Variants in BRD9 observed in about 807,000 individuals in gnomAD.
The protein encoded by BRD9 is bromodomain-containing protein 9.
A neutral mutation model predicts 68.7 loss-of-function variants in BRD9; 47 were observed. That is an observed-to-expected ratio of 0.68 (90% CI 0.54 to 0.87). The LOEUF (loss-of-function observed/expected upper bound fraction) is 0.87. Among genes scored for constraint, BRD9 ranks in the 40% least tolerant of loss-of-function variants. The pLI is 0.00. For missense variants in BRD9, 670 were observed against 748.4 expected (o/e 0.90, Z 1.22); for synonymous variants, 313 against 293.9 (o/e 1.06, Z -0.67).
chr5:881,018 C>G (rs1751662299), intron 9 of BRD9, 89 bp downstream of exon 9: 1 of 1,382,952 alleles, frequency 7.2e-7, no homozygotes, highest in South Asian at 1.2e-5. Context: ...GCCCCATGGC[C>G]ATGGCTCAGC....
intron 12 of BRD9, among the ~76,000 whole-genome samples, chr5:874,743 C>T (rs1030550731): frequency 4.6e-5 from 7 of 152,332 alleles, no homozygotes; most frequent in East Asian, 1.9e-4. Context: ...TGATGAGCAG[C>T]GCGGGACGAC....
At chr5:892,505 G>C in intron 1 of BRD9, 101 bp downstream of exon 1, 1 of 1,482,850 alleles carries the variant, frequency 6.7e-7, no homozygotes, top group Non-Finnish European at 8.9e-7. Flanking sequence ...CTCGTGGCCA[G>C]GACCTCGCCC....
At chr5:869,626 C>A (rs1400011426) in intron 14 of BRD9, among the ~76,000 whole-genome samples, 1 of 152,202 alleles carries the variant, frequency 6.6e-6, no homozygotes, top group African/African-American at 2.4e-5. Context: ...TACCTGAAGG[C>A]TGAATTCATC....
chr5:870,596 C>A (rs1208310875), intron 13 of BRD9, 21 bp from the exon 14 acceptor site: 1 of 1,552,686 alleles, frequency 6.4e-7, no homozygotes, highest in Admixed American at 1.7e-5. Context: ...AGACACACAT[C>A]AAGAGCAATT....
Position 889,066 on chromosome 5 carries a change from T to A in BRD9, c.561A>T (p.Lys187Asn). ...IKHPMDFGTM[K>N]DKIVANEYKS... ...TGTATTCATTAGCTACAATTTTGTCTTTCATGGTGCCAAAATCCATGGGAT... is the reference window on the plus strand; with the variant it reads ...TGTATTCATTAGCTACAATTTTGTCATTCATGGTGCCAAAATCCATGGGAT... The change falls in exon 5 of 16, where the codon AAA becomes AAT. Residue 187 changes from lysine (K) to asparagine (N), a missense_variant. Transcript: ENST00000467963. 2 of 1,610,686 alleles carry A rather than the reference T, an allele frequency of 1.2e-6. No individual in the cohort carries two copies. Among genetic ancestry groups the A allele is most frequent in the Non-Finnish European group, 1.7e-6 (2 of 1,179,246 alleles).
At chr5:875,473 G>A (rs767596075) in intron 12 of BRD9, among the ~76,000 whole-genome samples, 2 of 151,458 alleles carry the variant, frequency 1.3e-5, no homozygotes, top group African/African-American at 2.4e-5. Context: ...TCAGCCTCCC[G>A]AGTAGCTGGG....
At position 889,574 on chromosome 5, in the gene BRD9, C is replaced by T. The variant is rs548763851; in HGVS notation, c.461+13G>A. On this transcript the variant is annotated intron_variant, in intron 4 of 15. Transcript: ENST00000467963. The stretch of plus-strand genomic sequence containing the variant: ...CCCCCAGACACTAGCTCTTCAGAAA[C>T]GCCCCGGTTTACCTCTGAAGCTGGC... 20 of 1,613,338 alleles carry T rather than the reference C, an allele frequency of 1.2e-5. No homozygotes were observed. Among genetic ancestry groups the T allele is most frequent in the Admixed American group, 1.2e-4 (7 of 59,996 alleles).
At chr5:878,259 C>A in intron 11 of BRD9, 96 bp downstream of exon 11, 2 of 1,542,952 alleles carry the variant, frequency 1.3e-6, no homozygotes, top group Non-Finnish European at 1.8e-6. Flanking sequence ...CAAGATGGCT[C>A]TCTCCCCACC....
chr5:887,465 A>C lies in BRD9; in HGVS notation c.613T>G (p.Phe205Val), dbSNP rs1356291170. 5 of 1,612,664 alleles carry C rather than the reference A, an allele frequency of 3.1e-6. No homozygotes were observed. The South Asian group carries it at 5.5e-5, about 18-fold the overall frequency. ...YKSVTEFKAD[F>V]KLMCDNAMTY... ...ATTGCATTATCACACATCAGCTTGA[A>C]ATCTGCCTGAAAAGAAAACAGGAAA... is the stretch of plus-strand genomic sequence containing the variant. Residue 205 changes from phenylalanine to valine, a missense_variant, in exon 6 of 16, where the codon TTC (phenylalanine) becomes GTC (valine). Coordinates refer to ENST00000467963, the MANE Select transcript of BRD9 (RefSeq NM_023924.5).
intron 9 of BRD9, 116 bp downstream of exon 9, chr5:880,991 G>A (rs1053905772): frequency 3.4e-5 from 36 of 1,067,360 alleles, no homozygotes; most frequent in Middle Eastern, 2.0e-4. Flanking sequence ...TCGGGAAGCC[G>A]GGCAGCCTCT....
chr5:889,956 C>T (rs753212210), intron 3 of BRD9: 16 of 371,242 alleles, frequency 4.3e-5, no homozygotes, highest in Non-Finnish European at 6.8e-5. Context: ...AAATGGACGA[C>T]GGAACAAACG....
In BRD9 at chr5:889,581, G is replaced by C; in HGVS notation, c.461+6C>G. On this transcript the variant is annotated splice_donor_region_variant and intron_variant, in intron 4 of 15. Coordinates refer to ENST00000467963, the MANE Select transcript of BRD9 (RefSeq NM_023924.5). ...ACACTAGCTCTTCAGAAACGCCCCG[G>C]TTTACCTCTGAAGCTGGCGGAGGAA... is the stretch of plus-strand genomic sequence containing the variant. 1 of 1,613,496 alleles carries C rather than the reference G, an allele frequency of 6.2e-7. No homozygotes were observed. Among genetic ancestry groups the C allele is most frequent in the East Asian group, 2.2e-5 (1 of 44,854 alleles).
At chr5:872,206 T>C (rs1164650373) in intron 12 of BRD9, among the ~76,000 whole-genome samples, 1 of 152,270 alleles carries the variant, frequency 6.6e-6, no homozygotes, top group African/African-American at 2.4e-5. Flanking sequence ...CACTCTATCA[T>C]GTGTGATCTT....
At chr5:876,248 G>T (rs370932815) in intron 11 of BRD9, 36 bp from the exon 12 acceptor site, 3 of 1,537,630 alleles carry the variant, frequency 2.0e-6, no homozygotes, top group Non-Finnish European at 9.0e-7. Context: ...GCTGAAAGGA[G>T]CCCTTGTCGC....
At chr5:891,971 C>CA in intron 1 of BRD9, 117 bp from the exon 2 acceptor site, 1 of 1,440,016 alleles carries the variant, frequency 6.9e-7, no homozygotes, top group South Asian at 1.4e-5. Flanking sequence ...GCGGGGCTGC[C>CA]AACCAGCAGG....
chr5:876,983 C>T (rs980833796), intron 11 of BRD9, among the ~76,000 whole-genome samples: 1 of 152,244 alleles, frequency 6.6e-6, no homozygotes, highest in Non-Finnish European at 1.5e-5. Flanking sequence ...CATGGGACCA[C>T]GTAGCCTCAT....
At chr5:890,814 CAA>C (rs1052160944) in intron 3 of BRD9, among the ~76,000 whole-genome samples, 3 of 152,108 alleles carry the variant, frequency 2.0e-5, no homozygotes, top group Admixed American at 6.5e-5. Context: ...AAAGGCCAGA[CAA>C]AAAACAGTCT....
chr5:888,885 T>C, intron 5 of BRD9, 136 bp downstream of exon 5: 2 of 914,604 alleles, frequency 2.2e-6, no homozygotes, highest in South Asian at 2.0e-5. Context: ...ATGCTGTGTC[T>C]GTAAAACATC....
chr5:881,259 AG>A, intron 8 of BRD9, 77 bp from the exon 9 acceptor site: 1 of 1,366,386 alleles, frequency 7.3e-7, no homozygotes, highest in East Asian at 2.4e-5. Flanking sequence ...ACCAACAAGC[AG>A]GGCTTAATGG....
Sources: gnomAD v4.1 joint callset for allele counts (sites outside exome capture counted in the v4.1 genomes callset) on GRCh38, gnomAD v4.1.1 for gene constraint, MANE v1.5 for transcripts, NCBI Gene and HGNC (gene_info 2026-07-23, HGNC 2026-07-21) for gene names.